Variants in GLIS3 observed in about 807,000 individuals in gnomAD.
GLIS3 encodes the protein zinc finger protein GLIS3.
Under a neutral mutation model 78.6 loss-of-function variants are expected in GLIS3, and 53 were observed. The observed-to-expected ratio is 0.67, with a 90% CI of 0.54 to 0.85. The LOEUF is 0.85. Among genes scored for constraint, GLIS3 ranks in the 40% least tolerant of loss-of-function variants. GLIS3 has a pLI of 0.00. For synonymous variants in GLIS3, 684 were observed against 509.9 expected (o/e 1.34, Z -4.60); for missense variants, 1,703 against 1,231.1 (o/e 1.38, Z -5.74).
chr9:4,406,427 TCTC>T, the GLIS3 span, among the ~76,000 whole-genome samples: 1 of 152,264 alleles, frequency 6.6e-6, no homozygotes, highest in African/African-American at 2.4e-5. Flanking sequence ...TTCCAGCGAT[TCTC>T]CTGCCTCAGC....
At chr9:4,284,002 T>C (rs1417298079) in intron 2 of GLIS3, among the ~76,000 whole-genome samples, 1 of 152,234 alleles carries the variant, frequency 6.6e-6, no homozygotes, top group East Asian at 1.9e-4. Context: ...GCAGCACTAC[T>C]TCTGACAGGC....
chr9:4,106,474 G>T (rs1295345101), intron 4 of GLIS3, among the ~76,000 whole-genome samples: 1 of 152,086 alleles, frequency 6.6e-6, no homozygotes, highest in East Asian at 1.9e-4. Context: ...TCATCCTTGG[G>T]GGTAATTTTG....
intron 4 of GLIS3, among the ~76,000 whole-genome samples, chr9:3,998,056 T>G (rs1411937916): frequency 1.3e-5 from 2 of 152,322 alleles, no homozygotes; most frequent in East Asian, 1.9e-4. Flanking sequence ...TTTTTGGTGC[T>G]TAAATTGCCT....
At chr9:3,913,001 A>G (rs1420071133) in intron 6 of GLIS3, among the ~76,000 whole-genome samples, 3 of 152,092 alleles carry the variant, frequency 2.0e-5, no homozygotes, top group African/African-American at 4.8e-5. Context: ...TTTCTATTCA[A>G]GTATTCTCAG....
chr9:4,409,617 G>C, the GLIS3 span, among the ~76,000 whole-genome samples: 1 of 152,126 alleles, frequency 6.6e-6, no homozygotes, highest in African/African-American at 2.4e-5. Flanking sequence ...AAGATAATTA[G>C]AGAAAATATT....
intron 6 of GLIS3, among the ~76,000 whole-genome samples, chr9:3,925,607 G>A (rs758040245): frequency 1.1e-4 from 11 of 97,950 alleles, no homozygotes; most frequent in Admixed American, 6.5e-4. Flanking sequence ...GTGTGCGCGC[G>A]TGTGTGTGTG....
intron 4 of GLIS3, among the ~76,000 whole-genome samples, chr9:3,980,715 G>T (rs919170664): frequency 6.6e-6 from 1 of 152,162 alleles, no homozygotes; most frequent in African/African-American, 2.4e-5. Flanking sequence ...CTAAATACAA[G>T]GTAAAGGTTT....
At chr9:4,379,738 T>C in the GLIS3 span, among the ~76,000 whole-genome samples, 1 of 152,246 alleles carries the variant, frequency 6.6e-6, no homozygotes, top group African/African-American at 2.4e-5. Flanking sequence ...TCATTCGCAG[T>C]GTCCCTAGCA....
chr9:4,336,841 C>T (rs1306185640), intron 2 of GLIS3, among the ~76,000 whole-genome samples: 1 of 152,074 alleles, frequency 6.6e-6, no homozygotes, highest in Admixed American at 6.6e-5. Flanking sequence ...CTAAAAAGAT[C>T]TATGAAAAGA....
Position 4,286,037 on chromosome 9 carries a change from C to G in GLIS3, c.388+1G>C. ...AAAAGGTTCCAGAAAGACAATCCTA[C>G]CTTTCCCAGGATTTGGAGGAAAAGG... On this transcript the variant is annotated splice_donor_variant, in intron 2 of 10. Coordinates refer to ENST00000381971, the MANE Select transcript of GLIS3 (RefSeq NM_001042413.2). LOFTEE classifies it high-confidence loss of function. The G allele has an allele frequency of 1.9e-6, 3 of 1,614,066 alleles. No homozygotes were observed. The highest frequency in any genetic ancestry group is 2.5e-6 in the Non-Finnish European group (3 of 1,179,988).
In GLIS3 at chr9:3,829,245, G is replaced by T; in HGVS notation, c.2656+65C>A. ...GTCACGTCCAGCCCAGGTCGGTCACGGGCAGCCCACCTGGTCTCTCCTGTC... is the reference window on the plus strand; with the variant it reads ...GTCACGTCCAGCCCAGGTCGGTCACTGGCAGCCCACCTGGTCTCTCCTGTC... On this transcript the variant is annotated intron_variant, in intron 10 of 10. Transcript: ENST00000381971. 4.8e-6 allele frequency: 7 copies of T among 1,462,720 alleles called. No homozygotes were observed. The South Asian group carries it at 8.0e-5, about 17-fold the overall frequency. 90.6% of individuals were successfully genotyped at this position (1,462,720 alleles called of 1,614,324 possible). A position where few individuals can be genotyped will look rare whatever the true frequency, so the allele number is the denominator to read the frequency against.
chr9:4,197,657 C>T (rs1025152914), intron 2 of GLIS3, among the ~76,000 whole-genome samples: 3 of 152,212 alleles, frequency 2.0e-5, no homozygotes, highest in Admixed American at 6.5e-5. Context: ...ACCCACTTCA[C>T]CGGGGCTGAG....
intron 4 of GLIS3, among the ~76,000 whole-genome samples, chr9:4,068,179 A>T (rs1485214546): frequency 6.6e-6 from 1 of 152,182 alleles, no homozygotes; most frequent in East Asian, 1.9e-4. Context: ...AGACTGTAAA[A>T]ACTTAAGGCA....
intron 7 of GLIS3, among the ~76,000 whole-genome samples, chr9:3,886,334 T>TA (rs1373814001): frequency 6.6e-6 from 1 of 152,206 alleles, no homozygotes; most frequent in Non-Finnish European, 1.5e-5. Flanking sequence ...CCTCAAGGGT[T>TA]AAAATGTACT....
chr9:4,236,652 G>A (rs371260812), intron 2 of GLIS3, among the ~76,000 whole-genome samples: 6 of 152,108 alleles, frequency 3.9e-5, no homozygotes, highest in Non-Finnish European at 7.3e-5. Flanking sequence ...CAGGGTTACC[G>A]TCAATGACAA....
At chr9:4,425,913 C>A in the GLIS3 span, among the ~76,000 whole-genome samples, 3,143 of 152,216 alleles carry the variant, frequency 0.021, 106 homozygotes, top group African/African-American at 0.072. Context: ...TCCTCAGTCC[C>A]AGGAAGGCCC....
chr9:4,202,426 A>AAAAATAAAAT (rs56162217), intron 2 of GLIS3, among the ~76,000 whole-genome samples: 157 of 147,166 alleles, frequency 1.1e-3, no homozygotes, highest in African/African-American at 3.1e-3. Context: ...CTCAGTCTCA[A>AAAAATAAAAT]AAAATAAAAT....
chr9:3,964,783 C>G (rs2130896286), intron 4 of GLIS3, among the ~76,000 whole-genome samples: 1 of 152,162 alleles, frequency 6.6e-6, no homozygotes, highest in Middle Eastern at 3.4e-3. Context: ...TTCAGTGTTT[C>G]TGGGCAGTAG....
At position 4,100,700 on chromosome 9, in the gene GLIS3, T is replaced by C. The variant is rs2130798067; in HGVS notation, c.1710+17068A>G. 2.0e-5 allele frequency among the ~76,000 whole-genome samples: 3 copies of C among 152,282 alleles called. No homozygotes were observed. In the South Asian group the frequency reaches 6.2e-4, roughly 32 times the overall value. The stretch of plus-strand genomic sequence containing the variant: ...TTCTACAAGTAGTAGTATAGAATTA[T>C]CTAGTGTTCTAAGTGGTATAATATT... On this transcript the variant is annotated intron_variant, in intron 4 of 10. Coordinates refer to ENST00000381971, the MANE Select transcript of GLIS3 (RefSeq NM_001042413.2).
Sources: gnomAD v4.1 joint callset for allele counts (sites outside exome capture counted in the v4.1 genomes callset) on GRCh38, gnomAD v4.1.1 for gene constraint, MANE v1.5 for transcripts, NCBI Gene and HGNC (gene_info 2026-07-23, HGNC 2026-07-21) for gene names.